ZNF536: variants seen among roughly 807,000 people sequenced by gnomAD.
ZNF536 encodes the protein zinc finger protein 536.
Under a neutral mutation model 84.5 loss-of-function variants are expected in ZNF536, and 13 were observed. The observed-to-expected ratio is 0.15, with a 90% CI of 0.10 to 0.24. The LOEUF (loss-of-function observed/expected upper bound fraction) is 0.24. Among genes scored for constraint, ZNF536 ranks in the 10% least tolerant of loss-of-function variants. The pLI is 1.00. For synonymous variants in ZNF536, 811 were observed against 742.5 expected, an observed-to-expected ratio of 1.09 and a Z score of -1.50; for missense variants, 1,536 against 1,747.5, an observed-to-expected ratio of 0.88 and a Z score of 2.16.
chr19:30,673,919 A>T (rs1202194555), intron 1 of ZNF536, among the ~76,000 whole-genome samples: 7 of 152,236 alleles, frequency 4.6e-5, no homozygotes, highest in African/African-American at 1.7e-4. Context: ...TAATCAATAC[A>T]CATTCCAACA....
upstream of ZNF536, chr19:30,228,480 C>G (rs1401565519): frequency 6.6e-6 from 1 of 152,136 alleles, no homozygotes; most frequent in East Asian, 1.9e-4. The surrounding 1 kb of genome is among the most constrained non-coding windows in gnomAD (Gnocchi z 4.5). Flanking sequence ...TGACGCGCCC[C>G]CATAAATCTG....
intron 1 of ZNF536, among the ~76,000 whole-genome samples, chr19:30,246,629 G>A (rs933387500): frequency 4.6e-5 from 7 of 152,150 alleles, no homozygotes; most frequent in Non-Finnish European, 5.9e-5. Context: ...TTTGGGATGC[G>A]TGAGGAAAGT....
At chr19:30,637,504 G>T (rs557714668) in intron 1 of ZNF536, among the ~76,000 whole-genome samples, 1 of 152,176 alleles carries the variant, frequency 6.6e-6, no homozygotes, top group East Asian at 1.9e-4. Flanking sequence ...GACTCAAATT[G>T]GGTCTTGGCA....
chr19:30,401,791 A>C (rs2050057666), intron 1 of ZNF536, among the ~76,000 whole-genome samples: 1 of 152,216 alleles, frequency 6.6e-6, no homozygotes, highest in Admixed American at 6.5e-5. Context: ...AACAACAGGT[A>C]CAGAGTTTTA....
At position 30,549,539 on chromosome 19, in the gene ZNF536, T is replaced by C. The variant is rs1179965548; in HGVS notation, c.3895+25T>C. The C allele has an allele frequency of 3.3e-6, 5 of 1,495,590 alleles. No individual in the cohort carries two copies. The South Asian group carries it at 5.7e-5, about 17-fold the overall frequency. The allele number at this position is 1,495,590 out of a possible 1,614,324, so 92.6% of individuals were successfully genotyped here. On this transcript the variant is annotated intron_variant, in intron 4 of 4. Transcript: ENST00000355537. ...GGTAAGTTTTAGAATCCTCTTCCTA[T>C]AGTTCATTTCCCAAAACATCAGTGC...
chr19:30,240,104 C>T (rs2018622), intron 1 of ZNF536, among the ~76,000 whole-genome samples: 54,491 of 151,990 alleles, frequency 0.36, 10,302 homozygotes, highest in East Asian at 0.62. Flanking sequence ...CATGGTGGCT[C>T]ACACCTGTAA....
At chr19:30,243,868 G>T (rs758011842) in intron 1 of ZNF536, among the ~76,000 whole-genome samples, 2 of 152,206 alleles carry the variant, frequency 1.3e-5, no homozygotes, top group Non-Finnish European at 2.9e-5. Context: ...ATTGCATTGT[G>T]TAGGTTTTTG....
intron 2 of ZNF536, among the ~76,000 whole-genome samples, chr19:30,514,665 C>T (rs11665844): frequency 0.097 from 14,674 of 151,888 alleles, 974 homozygotes; most frequent in Non-Finnish European, 0.15. Flanking sequence ...AGGGCACCAC[C>T]CCTACCCCAC....
At chr19:30,250,688 G>A (rs1042831993) in intron 1 of ZNF536, among the ~76,000 whole-genome samples, 2 of 152,106 alleles carry the variant, frequency 1.3e-5, no homozygotes, top group African/African-American at 4.8e-5. Context: ...CAGGGTCTGG[G>A]AAGACCCCTT....
chr19:30,473,017 A>C, intron 2 of ZNF536, among the ~76,000 whole-genome samples: 2 of 144,350 alleles, frequency 1.4e-5, no homozygotes, highest in African/African-American at 5.3e-5. Context: ...CATGGTGTAA[A>C]CCGATCTCTA....
intron 2 of ZNF536, among the ~76,000 whole-genome samples, chr19:30,320,678 T>C (rs2046825285): frequency 6.6e-6 from 1 of 152,108 alleles, no homozygotes; most frequent in Admixed American, 6.6e-5. Flanking sequence ...ACGTGGTATT[T>C]GGGAAGTTTG....
intron 2 of ZNF536, among the ~76,000 whole-genome samples, chr19:30,288,734 G>A (rs62101877): frequency 0.01 from 1,593 of 152,312 alleles, 8 homozygotes; most frequent in South Asian, 0.015. Context: ...CAACATGACA[G>A]TCTGGTAGAT....
chr19:30,232,195 G>T (rs2023110464), intron 1 of ZNF536, among the ~76,000 whole-genome samples: 1 of 152,212 alleles, frequency 6.6e-6, no homozygotes, highest in South Asian at 2.1e-4. Context: ...ACGGGCTCCT[G>T]TTGACTGTGC....
chr19:30,256,356 A>G (rs957034278), intron 1 of ZNF536, among the ~76,000 whole-genome samples: 5 of 152,216 alleles, frequency 3.3e-5, no homozygotes, highest in Admixed American at 6.5e-5. Context: ...CAGCCCATCT[A>G]TCATTAGGTA....
intron 1 of ZNF536, among the ~76,000 whole-genome samples, chr19:30,392,684 A>G (rs1328027354): frequency 6.6e-6 from 1 of 152,202 alleles, no homozygotes; most frequent in African/African-American, 2.4e-5. Flanking sequence ...CCAAACAAAG[A>G]GTTATGAGTG....
chr19:30,266,350 G>C (rs552756942), intron 1 of ZNF536, among the ~76,000 whole-genome samples: 1 of 152,134 alleles, frequency 6.6e-6, no homozygotes, highest in Non-Finnish European at 1.5e-5. Flanking sequence ...ACCTGGCCAA[G>C]GTAACTTCTC....
chr19:30,448,591 T>G (rs2052460511), intron 2 of ZNF536, among the ~76,000 whole-genome samples: 1 of 152,068 alleles, frequency 6.6e-6, no homozygotes. Context: ...CACTTGATTC[T>G]TTTTTTTGTT....
At chr19:30,639,964 G>A (rs973856305) in intron 1 of ZNF536, among the ~76,000 whole-genome samples, 6 of 152,142 alleles carry the variant, frequency 3.9e-5, no homozygotes, top group Non-Finnish European at 5.9e-5. Context: ...TCACATACTG[G>A]CCAGGTGCTG....
chr19:30,700,244 C>CTCTCTCTCTCTTTCTTTCTT (rs2051876412), intron 1 of ZNF536, among the ~76,000 whole-genome samples: 1 of 113,422 alleles, frequency 8.8e-6, no homozygotes, highest in East Asian at 2.9e-4. Context: ...TTCTTTCTCT[C>CTCTCTCTCTCTTTCTTTCTT]TCTCTCTCTC....
Sources: gnomAD v4.1 joint callset for allele counts (sites outside exome capture counted in the v4.1 genomes callset) on GRCh38, gnomAD v4.1.1 for gene constraint, Gnocchi (gnomAD v3.1) non-coding constraint, MANE v1.5 for transcripts, NCBI Gene and HGNC (gene_info 2026-07-23, HGNC 2026-07-21) for gene names.